The following COX7A2L variants were observed in gnomAD, a reference collection of about 807,000 sequenced individuals.
COX7A2L encodes the protein cytochrome c oxidase subunit 7A2-like, mitochondrial.
Under a neutral mutation model 14.2 loss-of-function variants are expected in COX7A2L, and 18 were observed. The ratio of observed to expected loss-of-function variants is 1.27; its 90% CI spans 0.88 to 1.88. The LOEUF (loss-of-function observed/expected upper bound fraction) is 1.88. COX7A2L is among the 40% of genes most tolerant of loss of function. The pLI is 0.00. For synonymous variants in COX7A2L, 65 were observed against 57.4 expected (o/e 1.13, Z -0.60); for missense variants, 179 against 138.8 (o/e 1.29, Z -1.46).
rs1258430585 is a variant in COX7A2L at position 42,350,999 on chromosome 2, G to A, written c.*220C>T. On this transcript the variant is annotated 3_prime_UTR_variant, in exon 3 of 3. Coordinates refer to ENST00000234301, the MANE Select transcript of COX7A2L (RefSeq NM_004718.4). ...GGGAAATCAGGAGCACAAACACAGA[G>A]CAAAGCACCATTTCTTTAAACAATG... 2 of 457,814 alleles carry A rather than the reference G, an allele frequency of 4.4e-6. No homozygotes were observed. Among genetic ancestry groups the A allele is most frequent in the African/African-American group, 2.0e-5 (1 of 50,368 alleles). The allele number at this position is 457,814 out of a possible 1,614,324, so 28.4% of individuals were successfully genotyped here.
At chr2:42,365,354 C>T (rs929006521), upstream of COX7A2L, among the ~76,000 whole-genome samples, 1 of 152,114 alleles carries the variant, frequency 6.6e-6, no homozygotes. Flanking sequence ...CGGTTGGGCA[C>T]GGTGGCTCAC....
chr2:42,362,359 A>T (rs1671077069), upstream of COX7A2L, among the ~76,000 whole-genome samples: 1 of 152,234 alleles, frequency 6.6e-6, no homozygotes, highest in Admixed American at 6.5e-5. Flanking sequence ...TTCTAGATGC[A>T]CTTATGAAAT....
chr2:42,346,951 G>A (rs1056400161), downstream of COX7A2L, among the ~76,000 whole-genome samples: 2 of 151,136 alleles, frequency 1.3e-5, no homozygotes, highest in African/African-American at 2.4e-5. Flanking sequence ...TTGCTCTGTC[G>A]CCCAGGCTGA....
At chr2:42,345,935 G>C (rs946894752), downstream of COX7A2L, among the ~76,000 whole-genome samples, 1 of 152,092 alleles carries the variant, frequency 6.6e-6, no homozygotes, top group Non-Finnish European at 1.5e-5. Flanking sequence ...GAGGGAGGAG[G>C]GTCTTCCTCT....
At position 42,361,135 on chromosome 2, in the gene COX7A2L, C is replaced by A. The variant is rs138027067; in HGVS notation, c.27G>T (p.Thr9=). 1 of 1,613,806 alleles carries A rather than the reference C, an allele frequency of 6.2e-7. No homozygotes were observed. The highest frequency in any genetic ancestry group is 1.1e-5 in the South Asian group (1 of 91,020). ...AAGCCCATGCTCCTGCCAACTTCTGCGTGAAGCCACTAAACTTGTAGTACA... is the reference window on the plus strand; with the variant it reads ...AAGCCCATGCTCCTGCCAACTTCTGAGTGAAGCCACTAAACTTGTAGTACA... MYYKFSGF[T]QKLAGAWASE... Residue 9 remains threonine, a synonymous_variant, in exon 1 of 3, where the codon ACG becomes ACT. Transcript: ENST00000234301.
chr2:42,361,254 C>A, upstream of COX7A2L: 7 of 1,239,474 alleles, frequency 5.6e-6, no homozygotes, highest in East Asian at 1.3e-4. Context: ...AGACTCAGCG[C>A]AAGGACCCGG....
At chr2:42,359,050 CAGA>C (rs1670929707) in intron 1 of COX7A2L, 1 of 152,202 alleles carries the variant, frequency 6.6e-6, no homozygotes, top group African/African-American at 2.4e-5. Context: ...TGAAATCCCA[CAGA>C]AGAATAAGAG....
intron 1 of COX7A2L, among the ~76,000 whole-genome samples, chr2:42,355,860 G>A (rs529742039): frequency 1.3e-5 from 2 of 150,654 alleles, no homozygotes; most frequent in Admixed American, 6.6e-5. Flanking sequence ...TGAGTAGTTG[G>A]GACTACAGGT....
In COX7A2L at chr2:42,339,018, C is replaced by A. The variant is rs1172739993; in HGVS notation, c.193-5149G>T. ...GGCTGGAGCCTGCATCACAGTCACC[C>A]GTGTTTGCACTGGAAGCCATGGGCA... On this transcript the variant is annotated intron_variant, in intron 2 of 2. Coordinates refer to the COX7A2L transcript ENST00000468711. The surrounding 1 kb of genome is among the most constrained non-coding windows in gnomAD (Gnocchi z 5.4). Among the ~76,000 whole-genome samples, 3 of 152,174 alleles carry A rather than the reference C, an allele frequency of 2.0e-5. No homozygotes were observed. Among genetic ancestry groups the A allele is most frequent in the African/African-American group, 7.2e-5 (3 of 41,442 alleles).
chr2:42,346,874 C>T (rs1572787383), downstream of COX7A2L, among the ~76,000 whole-genome samples: 1 of 151,968 alleles, frequency 6.6e-6, no homozygotes, highest in Non-Finnish European at 1.5e-5. Context: ...TATGAGCTAT[C>T]TATTCATGTA....
At chr2:42,343,138 G>A (rs1670433101) in intron 2 of COX7A2L, among the ~76,000 whole-genome samples, 1 of 152,140 alleles carries the variant, frequency 6.6e-6, no homozygotes, top group Non-Finnish European at 1.5e-5. Flanking sequence ...ACCAAGGCAT[G>A]ACATGGGTTC....
chr2:42,360,723 G>C (rs1204824417), intron 1 of COX7A2L, among the ~76,000 whole-genome samples: 1 of 104,906 alleles, frequency 9.5e-6, no homozygotes, highest in Non-Finnish European at 2.0e-5. Context: ...GATGACAAAC[G>C]ACAAGGAGGC....
chr2:42,335,704 G>A (rs930571075), intron 2 of COX7A2L, among the ~76,000 whole-genome samples: 11 of 152,238 alleles, frequency 7.2e-5, no homozygotes, highest in Admixed American at 1.3e-4. Flanking sequence ...TCCGGAGTCC[G>A]TGCAGCCAGC....
Position 42,351,060 on chromosome 2 carries a change from G to C in COX7A2L, c.*159C>G. ...TCGAATGAGCTCTGACAAGCCATAT[G>C]CATTTCATAAACAAACCAAAACATC... On this transcript the variant is annotated 3_prime_UTR_variant, in exon 3 of 3. Transcript: ENST00000234301. The C allele has an allele frequency of 5.4e-6, 4 of 736,804 alleles. No individual in the cohort carries two copies. Among genetic ancestry groups the C allele is most frequent in the Non-Finnish European group, 8.5e-6 (4 of 468,628 alleles). The allele number at this position is 736,804 out of a possible 1,614,324, so 45.6% of individuals were successfully genotyped here.
downstream of COX7A2L, among the ~76,000 whole-genome samples, chr2:42,349,075 C>G (rs1040445442): frequency 6.6e-6 from 1 of 152,118 alleles, no homozygotes; most frequent in South Asian, 2.1e-4. Context: ...AAATGTTAAA[C>G]AGAGTTACCA....
chr2:42,345,306 C>T (rs1182365426), downstream of COX7A2L, among the ~76,000 whole-genome samples: 2 of 152,072 alleles, frequency 1.3e-5, no homozygotes, highest in Non-Finnish European at 2.9e-5. Flanking sequence ...TCACTTGAAC[C>T]CGGGAGGCGG....
chr2:42,345,479 A>T (rs1297162732), downstream of COX7A2L, among the ~76,000 whole-genome samples: 1 of 151,144 alleles, frequency 6.6e-6, no homozygotes, highest in Admixed American at 6.6e-5. Flanking sequence ...ATTGCAAAAA[A>T]AAAAACTGTC....
At chr2:42,353,595 T>C (rs980461151) in intron 1 of COX7A2L, among the ~76,000 whole-genome samples, 3 of 152,162 alleles carry the variant, frequency 2.0e-5, no homozygotes, top group Admixed American at 6.6e-5. Context: ...AGTAAAACAT[T>C]TATAATCTGT....
upstream of COX7A2L, among the ~76,000 whole-genome samples, chr2:42,364,711 T>C (rs868275764): frequency 6.6e-6 from 1 of 152,202 alleles, no homozygotes; most frequent in Non-Finnish European, 1.5e-5. Flanking sequence ...TATATTGATA[T>C]TGAAAACCAA....
Sources: allele counts gnomAD v4.1 joint callset (sites outside exome capture counted in the v4.1 genomes callset), GRCh38; gene constraint gnomAD v4.1.1; non-coding constraint Gnocchi (gnomAD v3.1); transcripts MANE v1.5; gene names NCBI Gene and HGNC (gene_info 2026-07-23, HGNC 2026-07-21).